Variants in DENND2B observed in about 807,000 individuals in gnomAD.
DENND2B encodes DENN domain-containing protein 2B.
In DENND2B, 32 loss-of-function variants were observed where a neutral mutation model predicts 116.0. That is an observed-to-expected ratio of 0.28 (90% CI 0.21 to 0.37). The LOEUF is 0.37. Among genes scored for constraint, DENND2B ranks in the 10% least tolerant of loss-of-function variants. The probability of loss-of-function intolerance (pLI) is 1.00; values close to 1 mark genes in which losing one functional copy is unlikely to be tolerated. For missense variants in DENND2B, 1,276 were observed against 1,477.7 expected, an observed-to-expected ratio of 0.86 and a Z score of 2.24; for synonymous variants, 588 against 583.9, an observed-to-expected ratio of 1.01 and a Z score of -0.10.
rs11820703 is a variant in DENND2B, at chr11:8,711,518, C to T, written c.2173-287G>A. Among the ~76,000 whole-genome samples the T allele has an allele frequency of 4.4e-3, 664 of 152,170 alleles. 4 individuals are homozygous for T. Among genetic ancestry groups the T allele is most frequent in the African/African-American group, 0.015 (619 of 41,520 alleles). On this transcript the variant is annotated intron_variant, in intron 9 of 19. Coordinates refer to ENST00000313726, the MANE Select transcript of DENND2B (RefSeq NM_213618.2). ...CAAGGTCCCCGACCTTACACATTCT[C>T]GTCAGCAGAGTGAGATGGTCAACCA... is the stretch of plus-strand genomic sequence containing the variant.
chr11:8,895,098 A>C (rs1030700435), intron 1 of DENND2B, among the ~76,000 whole-genome samples: 1 of 152,128 alleles, frequency 6.6e-6, no homozygotes, highest in African/African-American at 2.4e-5. Flanking sequence ...TGTCCTTTGT[A>C]GGGACACGGA....
chr11:8,820,315 A>T (rs1246343125), intron 4 of DENND2B, among the ~76,000 whole-genome samples: 1 of 152,258 alleles, frequency 6.6e-6, no homozygotes, highest in Non-Finnish European at 1.5e-5. Context: ...AACAAAGCAC[A>T]GATGACATTT....
chr11:8,808,598 C>T lies in DENND2B; in HGVS notation c.-26+1919G>A, dbSNP rs185418514. 9.2e-5 allele frequency: 14 copies of T among 152,300 alleles called. No homozygotes were observed. The East Asian group carries it at 2.7e-3, about 29-fold the overall frequency. 9.4% of individuals were successfully genotyped at this position (152,300 alleles called of 1,614,324 possible). ...TATAAATGCAGAAAGGAAGAAGGCACTTTATAAAATGAGAGAACCAGAACA... is the reference window on the plus strand; with the variant it reads ...TATAAATGCAGAAAGGAAGAAGGCATTTTATAAAATGAGAGAACCAGAACA... On this transcript the variant is annotated intron_variant, in intron 1 of 19. Transcript: ENST00000313726.
Position 8,726,228 on chromosome 11 carries a change from A to T in DENND2B, c.1341-19T>A. On this transcript the variant is annotated intron_variant, in intron 3 of 19. Coordinates refer to ENST00000313726, the MANE Select transcript of DENND2B (RefSeq NM_213618.2). ...GGATTTTCTGTGGATAACAAGAGCA[A>T]GAGTCATTCCTGCTGAATCAGATCT... is the stretch of plus-strand genomic sequence containing the variant. The T allele has an allele frequency of 6.3e-7, 1 of 1,597,528 alleles. No homozygotes were observed. The highest frequency in any genetic ancestry group is 8.5e-7 in the Non-Finnish European group (1 of 1,171,686).
chr11:8,871,854 A>G (rs374854114), upstream of DENND2B, among the ~76,000 whole-genome samples: 1 of 152,262 alleles, frequency 6.6e-6, no homozygotes, highest in African/African-American at 2.4e-5. Context: ...TTAGCCCAGT[A>G]TAACAATCAA....
chr11:8,739,652 C>T (rs983740441), intron 2 of DENND2B, among the ~76,000 whole-genome samples: 2 of 152,360 alleles, frequency 1.3e-5, no homozygotes, highest in Non-Finnish European at 2.9e-5. Context: ...CAGCAGGCAG[C>T]CAGTTCTGCT....
At chr11:8,839,543 C>A (rs2062554189) in intron 3 of DENND2B, among the ~76,000 whole-genome samples, 1 of 152,186 alleles carries the variant, frequency 6.6e-6, no homozygotes, top group Non-Finnish European at 1.5e-5. Flanking sequence ...CAGCTTTCTA[C>A]CCATGCTCAG....
intron 1 of DENND2B, among the ~76,000 whole-genome samples, chr11:8,892,171 T>C (rs1470067171): frequency 5.9e-5 from 9 of 152,086 alleles, no homozygotes; most frequent in African/African-American, 2.2e-4. Context: ...AAGGCAGAAA[T>C]AAAGATGTTC....
intron 14 of DENND2B, chr11:8,699,988 G>A: frequency 2.2e-6 from 1 of 456,264 alleles, no homozygotes; most frequent in Non-Finnish European, 4.4e-6. Context: ...CTCCCAGAAT[G>A]GTCCTGGAAT....
At chr11:8,725,445 G>C (rs903200511) in intron 4 of DENND2B, among the ~76,000 whole-genome samples, 4 of 150,992 alleles carry the variant, frequency 2.6e-5, no homozygotes, top group Non-Finnish European at 4.4e-5. Context: ...CACGATCTCA[G>C]CTCACTGCAA....
chr11:8,848,404 G>C (rs2062884031), intron 3 of DENND2B, among the ~76,000 whole-genome samples: 1 of 152,150 alleles, frequency 6.6e-6, no homozygotes, highest in Admixed American at 6.5e-5. Flanking sequence ...AATAGGGAAA[G>C]AGCAATTGTC....
At chr11:8,773,377 C>T (rs61359613) in intron 1 of DENND2B, among the ~76,000 whole-genome samples, 8,350 of 152,234 alleles carry the variant, frequency 0.055, 457 homozygotes, top group African/African-American at 0.14. Flanking sequence ...CCCAGAGACG[C>T]TGCCTCTGAC....
chr11:8,712,143 T>A lies in DENND2B; in HGVS notation c.2172+408A>T. 1 of 379,536 alleles carries A rather than the reference T, an allele frequency of 2.6e-6. No homozygotes were observed. The highest frequency in any genetic ancestry group is 7.3e-5 in the East Asian group (1 of 13,752). The allele number at this position is 379,536 out of a possible 1,614,324, so 23.5% of individuals were successfully genotyped here. On this transcript the variant is annotated intron_variant, in intron 9 of 19. Coordinates refer to ENST00000313726, the MANE Select transcript of DENND2B (RefSeq NM_213618.2). This position sits in a 1 kb window ranked among gnomAD's most constrained non-coding sequence, Gnocchi z 4.4. ...GAAGGCGGAGTGAGAGACAGGCTGG[T>A]GGGAGAAGTGCGGAGTGACAGCTAG...
intron 3 of DENND2B, among the ~76,000 whole-genome samples, chr11:8,839,802 C>A (rs1402436641): frequency 6.6e-6 from 1 of 152,266 alleles, no homozygotes; most frequent in Middle Eastern, 3.4e-3. Context: ...AGGAGCAGAC[C>A]AGACTCTGGG....
At chr11:8,835,830 CCA>C (rs2062398305) in intron 4 of DENND2B, 1 of 152,200 alleles carries the variant, frequency 6.6e-6, no homozygotes, top group African/African-American at 2.4e-5. Context: ...ATTACTTCAA[CCA>C]GACATCGTTG....
intron 3 of DENND2B, among the ~76,000 whole-genome samples, chr11:8,848,116 T>G (rs1438286589): frequency 6.6e-6 from 1 of 152,164 alleles, no homozygotes; most frequent in African/African-American, 2.4e-5. Flanking sequence ...TCTTCCAATT[T>G]TGCAAAGGAT....
chr11:8,880,720 C>T (rs2063895673), intron 2 of DENND2B, among the ~76,000 whole-genome samples: 1 of 152,118 alleles, frequency 6.6e-6, no homozygotes. Context: ...ATAAATAAAA[C>T]TGACAGGCTT....
At chr11:8,746,864 CAGGCTTG>C (rs2051358113) in intron 2 of DENND2B, among the ~76,000 whole-genome samples, 1 of 152,186 alleles carries the variant, frequency 6.6e-6, no homozygotes, top group African/African-American at 2.4e-5. Flanking sequence ...TGAAGAGAGG[CAGGCTTG>C]AGTACCTCTT....
intron 2 of DENND2B, among the ~76,000 whole-genome samples, chr11:8,742,926 TG>T (rs1176678881): frequency 2.0e-5 from 3 of 152,116 alleles, no homozygotes; most frequent in South Asian, 2.1e-4. Context: ...TAGCCAGGCA[TG>T]GTGGTGCATG....
Sources: allele counts gnomAD v4.1 joint callset (sites outside exome capture counted in the v4.1 genomes callset), GRCh38; gene constraint gnomAD v4.1.1; non-coding constraint Gnocchi (gnomAD v3.1); transcripts MANE v1.5; gene names NCBI Gene and HGNC (gene_info 2026-07-23, HGNC 2026-07-21).